CDH20: variants seen among roughly 807,000 people sequenced by gnomAD.
CDH20 encodes the protein cadherin-20.
In CDH20, 29 loss-of-function variants were observed where a neutral mutation model predicts 74.2. The observed-to-expected ratio is 0.39, with a 90% CI of 0.29 to 0.53. CDH20 has a LOEUF of 0.53. CDH20 is among the 20% of genes least tolerant of loss of function. The pLI, the probability that CDH20 is intolerant of heterozygous loss-of-function variation, is 0.69. For missense variants in CDH20, 988 were observed against 1,048.3 expected (o/e 0.94, Z 0.79); for synonymous variants, 469 against 405.4 (o/e 1.16, Z -1.88).
intron 1 of CDH20, among the ~76,000 whole-genome samples, chr18:61,429,114 G>A (rs964994663): frequency 6.6e-6 from 1 of 151,990 alleles, no homozygotes; most frequent in East Asian, 1.9e-4. Context: ...GAGAGGTGTG[G>A]GAGTATGCAA....
In CDH20 at chr18:61,450,543, A is replaced by G. The variant is rs1371762946; in HGVS notation, c.-152-39859A>G. 2.0e-5 allele frequency among the ~76,000 whole-genome samples: 3 copies of G among 152,094 alleles called. No individual in the cohort carries two copies. In the East Asian group the frequency reaches 5.8e-4, roughly 29 times the overall value. On this transcript the variant is annotated intron_variant, in intron 1 of 11. Transcript: ENST00000262717. ...CTTCAACTATGAAATAGAAGTATTT[A>G]TCACAGCAATTTTTACTAAAAAGAA... is the stretch of plus-strand genomic sequence containing the variant.
chr18:61,465,919 G>A (rs1293333759), intron 1 of CDH20, among the ~76,000 whole-genome samples: 2 of 151,946 alleles, frequency 1.3e-5, no homozygotes, highest in African/African-American at 4.8e-5. Context: ...AATTAGCCAG[G>A]CATGGTGATA....
intron 1 of CDH20, among the ~76,000 whole-genome samples, chr18:61,346,224 C>T (rs1014200280): frequency 1.3e-5 from 2 of 152,142 alleles, no homozygotes; most frequent in East Asian, 1.9e-4. Context: ...GGAATTGCAT[C>T]GTTATGAGTT....
chr18:61,509,150 C>CA (rs1292770126), intron 6 of CDH20, among the ~76,000 whole-genome samples: 4 of 152,090 alleles, frequency 2.6e-5, no homozygotes, highest in Non-Finnish European at 4.4e-5. Flanking sequence ...ATGGGTGCAC[C>CA]AAAATCTCAC....
chr18:61,373,816 C>A (rs1432523555), intron 1 of CDH20, among the ~76,000 whole-genome samples: 1 of 152,084 alleles, frequency 6.6e-6, no homozygotes, highest in Non-Finnish European at 1.5e-5. Flanking sequence ...ACCCACTTCA[C>A]ATTTTATGTC....
chr18:61,368,825 G>A (rs1261943678), intron 1 of CDH20, among the ~76,000 whole-genome samples: 1 of 149,220 alleles, frequency 6.7e-6, no homozygotes, highest in Non-Finnish European at 1.5e-5. Context: ...ATAAAGCCAG[G>A]CTGGAATAAA....
chr18:61,335,789 A>T (rs966698913), intron 1 of CDH20, among the ~76,000 whole-genome samples: 2 of 152,262 alleles, frequency 1.3e-5, no homozygotes, highest in Non-Finnish European at 2.9e-5. Flanking sequence ...AAAGTTTGCT[A>T]CACTGCAGGT....
At chr18:61,497,253 C>G (rs1180594376) in intron 2 of CDH20, among the ~76,000 whole-genome samples, 1 of 152,128 alleles carries the variant, frequency 6.6e-6, no homozygotes, top group Non-Finnish European at 1.5e-5. Context: ...CTAGATAAGA[C>G]GCAGCTGAGT....
chr18:61,409,763 G>C (rs902397786), intron 1 of CDH20, among the ~76,000 whole-genome samples: 2 of 152,128 alleles, frequency 1.3e-5, no homozygotes, highest in Non-Finnish European at 2.9e-5. Context: ...CCTAACTTAG[G>C]AGTTGAAGTA....
chr18:61,528,207 A>C lies in CDH20; in HGVS notation c.1258A>C (p.Asn420His). Residue 420 changes from asparagine (N) to histidine (H), a missense_variant, in exon 7 of 12, where the codon AAC becomes CAC. Asn to His is a moderately conservative substitution (Grantham distance 68). Transcript: ENST00000262717. Reference protein sequence around the residue: ...IISAKDPDVTNNSIRYSIDRS... With the variant: ...IISAKDPDVTHNSIRYSIDRS... ...TTCTGCCAAGGACCCAGATGTGACCAACAACTCAATCAGGTTTTTCCACAG... is the reference window on the plus strand; with the variant it reads ...TTCTGCCAAGGACCCAGATGTGACCCACAACTCAATCAGGTTTTTCCACAG... The C allele has an allele frequency of 6.2e-7, 1 of 1,614,086 alleles. No individual in the cohort carries two copies.
chr18:61,467,412 A>G (rs1412705397), intron 1 of CDH20, among the ~76,000 whole-genome samples: 2 of 152,106 alleles, frequency 1.3e-5, no homozygotes, highest in East Asian at 1.9e-4. Flanking sequence ...TCTTTTTGAC[A>G]AGCCAGTTAC....
intron 1 of CDH20, among the ~76,000 whole-genome samples, chr18:61,357,650 C>G (rs1391669335): frequency 6.6e-6 from 1 of 152,132 alleles, no homozygotes; most frequent in African/African-American, 2.4e-5. Context: ...ATCAGGAAAA[C>G]AATTGTTTTC....
intron 1 of CDH20, among the ~76,000 whole-genome samples, chr18:61,441,613 G>A (rs193250694): frequency 1.3e-5 from 2 of 152,286 alleles, no homozygotes; most frequent in East Asian, 3.9e-4. Flanking sequence ...CTGTAAAATA[G>A]TTGTGTGGAT....
At chr18:61,502,486 G>A (rs1911417012) in intron 4 of CDH20, among the ~76,000 whole-genome samples, 1 of 152,164 alleles carries the variant, frequency 6.6e-6, no homozygotes, top group Non-Finnish European at 1.5e-5. Flanking sequence ...GCAGGAATGA[G>A]TTACCTAAAG....
intron 1 of CDH20, among the ~76,000 whole-genome samples, chr18:61,441,816 T>A (rs1197850445): frequency 2.0e-5 from 3 of 152,124 alleles, no homozygotes; most frequent in Non-Finnish European, 4.4e-5. Flanking sequence ...TATAATGTAG[T>A]TTTTAAGACT....
At chr18:61,432,784 T>C (rs930310269) in intron 1 of CDH20, among the ~76,000 whole-genome samples, 7 of 152,140 alleles carry the variant, frequency 4.6e-5, no homozygotes, top group African/African-American at 1.7e-4. Flanking sequence ...TTTCCTTCCT[T>C]CCTTTCTTAC....
intron 11 of CDH20, among the ~76,000 whole-genome samples, chr18:61,552,980 G>A (rs9948829): frequency 0.059 from 8,943 of 151,946 alleles, 695 homozygotes; most frequent in African/African-American, 0.17. Flanking sequence ...TCGTATTTTT[G>A]CACACAGGGA....
At chr18:61,376,091 GTTAT>G (rs903698619) in intron 1 of CDH20, among the ~76,000 whole-genome samples, 3 of 151,914 alleles carry the variant, frequency 2.0e-5, no homozygotes, top group Non-Finnish European at 2.9e-5. Context: ...TCTCAGAAAG[GTTAT>G]TTATTCATTT....
chr18:61,401,073 C>G (rs1030083778), intron 1 of CDH20, among the ~76,000 whole-genome samples: 6 of 152,192 alleles, frequency 3.9e-5, no homozygotes, highest in Non-Finnish European at 7.4e-5. Flanking sequence ...AAACTATGCT[C>G]TCCGTGCAGC....
Sources: allele counts gnomAD v4.1 joint callset (sites outside exome capture counted in the v4.1 genomes callset), GRCh38; gene constraint gnomAD v4.1.1; transcripts MANE v1.5; gene names NCBI Gene and HGNC (gene_info 2026-07-23, HGNC 2026-07-21).